PDZD2: variants seen among roughly 807,000 people sequenced by gnomAD.
The protein encoded by PDZD2 is PDZ domain containing 2.
In PDZD2, 90 loss-of-function variants were observed where a neutral mutation model predicts 220.7. That is an observed-to-expected ratio of 0.41 (90% CI 0.34 to 0.49). PDZD2 has a LOEUF of 0.49. Ranked by LOEUF, PDZD2 falls within the 20% of genes least tolerant of loss-of-function variation. PDZD2 has a pLI of 0.28. For synonymous variants in PDZD2, 1,375 were observed against 1,450.5 expected (o/e 0.95, Z 1.18); for missense variants, 3,174 against 3,608.5 (o/e 0.88, Z 3.08).
chr5:31,722,598 C>T (rs910358419), intron 1 of PDZD2, among the ~76,000 whole-genome samples: 3 of 152,092 alleles, frequency 2.0e-5, no homozygotes, highest in African/African-American at 7.2e-5. Flanking sequence ...TTTTTAGAAG[C>T]TTCTGCAAGA....
At chr5:31,895,474 C>A (rs2150352496) in intron 2 of PDZD2, among the ~76,000 whole-genome samples, 1 of 152,304 alleles carries the variant, frequency 6.6e-6, no homozygotes, top group South Asian at 2.1e-4. Context: ...GCCTTCCTGG[C>A]CCCAGAACTG....
chr5:31,815,372 A>G (rs1755381750), intron 2 of PDZD2, among the ~76,000 whole-genome samples: 2 of 152,090 alleles, frequency 1.3e-5, no homozygotes, highest in South Asian at 2.1e-4. Flanking sequence ...GGGATCCTGT[A>G]TAGAATGTAG....
intron 1 of PDZD2, among the ~76,000 whole-genome samples, chr5:31,662,840 C>T (rs1280461562): frequency 1.3e-5 from 2 of 152,146 alleles, no homozygotes; most frequent in South Asian, 2.1e-4. Flanking sequence ...CCGTGTTAGC[C>T]AGGATGGTCT....
chr5:31,771,612 G>A (rs192626322), intron 1 of PDZD2, among the ~76,000 whole-genome samples: 1 of 152,324 alleles, frequency 6.6e-6, no homozygotes, highest in African/African-American at 2.4e-5. Flanking sequence ...TGTAGGTACT[G>A]AAGCCCAGAC....
chr5:31,828,811 A>AT (rs1756383241), intron 2 of PDZD2, among the ~76,000 whole-genome samples: 1 of 152,222 alleles, frequency 6.6e-6, no homozygotes, highest in Admixed American at 6.5e-5. Flanking sequence ...AGAAATATCT[A>AT]TTTTAATTCT....
At chr5:31,782,955 C>G (rs941696947) in intron 1 of PDZD2, among the ~76,000 whole-genome samples, 2 of 152,036 alleles carry the variant, frequency 1.3e-5, no homozygotes, top group Non-Finnish European at 2.9e-5. Context: ...CTCAAGTGAT[C>G]AGCCTGCCTC....
At chr5:32,037,184 TCG>T (rs532494678) in intron 6 of PDZD2, 45 bp from the exon 7 acceptor site, 203 of 1,199,802 alleles carry the variant, frequency 1.7e-4, no homozygotes, top group Non-Finnish European at 2.3e-4. Context: ...GCATAAGTCA[TCG>T]CAGGGCTGGG....
chr5:31,851,810 G>A (rs1168014949), intron 2 of PDZD2, among the ~76,000 whole-genome samples: 2 of 152,112 alleles, frequency 1.3e-5, no homozygotes, highest in Non-Finnish European at 2.9e-5. Context: ...AATGGCATAT[G>A]GATGCAAAAG....
At position 32,089,062 on chromosome 5, in the gene PDZD2, C is replaced by T. The variant is rs781737858; in HGVS notation, c.5614C>T (p.Leu1872Phe). Reference sequence around the variant, plus strand: ...GTCTAAGAAGAGTCCGGCAGAAATGCTTCTGACTAATGGTCAGAAGGCAAA... The same window carrying T: ...GTCTAAGAAGAGTCCGGCAGAAATGTTTCTGACTAATGGTCAGAAGGCAAA... ...DLSKKSPAEM[L>F]LTNGQKAKCG... The change falls in exon 20 of 25, where the codon CTT (leucine) becomes TTT (phenylalanine). Residue 1872 changes from leucine to phenylalanine, a missense_variant. Leu to Phe is a conservative substitution (Grantham distance 22). Around this residue, in one of 4 missense-constraint regions of PDZD2, gnomAD observed 1,861 missense variants for 2,001.0 expected, o/e 0.93. Coordinates refer to ENST00000438447, the MANE Select transcript of PDZD2 (RefSeq NM_178140.4). The T allele has an allele frequency of 1.2e-6, 2 of 1,613,910 alleles. No individual in the cohort carries two copies. The highest frequency in any genetic ancestry group is 1.7e-5 in the Admixed American group (1 of 60,022).
chr5:31,860,431 C>G (rs1737583158), intron 2 of PDZD2, among the ~76,000 whole-genome samples: 1 of 152,188 alleles, frequency 6.6e-6, no homozygotes, highest in African/African-American at 2.4e-5. Flanking sequence ...TACATTCCAG[C>G]TTCCAAAATT....
intron 1 of PDZD2, among the ~76,000 whole-genome samples, chr5:31,679,541 G>C (rs1746572404): frequency 6.6e-6 from 1 of 152,180 alleles, no homozygotes; most frequent in Non-Finnish European, 1.5e-5. Flanking sequence ...ACAGGGTCTT[G>C]CTGTTGCCCA....
At chr5:31,840,714 T>C (rs891124604) in intron 2 of PDZD2, 4 of 772,784 alleles carry the variant, frequency 5.2e-6, no homozygotes, top group African/African-American at 5.1e-5. Context: ...ATTAATTCTC[T>C]TGGCAAGAAT....
At chr5:31,967,830 T>C (rs987247001) in intron 2 of PDZD2, among the ~76,000 whole-genome samples, 1 of 152,114 alleles carries the variant, frequency 6.6e-6, no homozygotes, top group Non-Finnish European at 1.5e-5. Context: ...AAATACATGT[T>C]TTTGGCTGGT....
chr5:31,697,435 C>T (rs1580581275), intron 1 of PDZD2, among the ~76,000 whole-genome samples: 1 of 152,128 alleles, frequency 6.6e-6, no homozygotes, highest in Admixed American at 6.5e-5. Context: ...TGCACTCCAG[C>T]CTGGGTAACA....
chr5:31,983,431 G>C lies in PDZD2; in HGVS notation c.753G>C (p.Glu251Asp), dbSNP rs1161995559. The C allele has an allele frequency of 1.9e-6, 3 of 1,614,122 alleles. No individual in the cohort carries two copies. Among genetic ancestry groups the C allele is most frequent in the East Asian group, 4.5e-5 (2 of 44,902 alleles). Residue 251 changes from glutamate to aspartate, a missense_variant, in exon 3 of 25, where the codon GAG becomes GAC. By Grantham distance (45) the Glu-to-Asp change is conservative. Coordinates refer to ENST00000438447, the MANE Select transcript of PDZD2 (RefSeq NM_178140.4). ...EVSSDPSTEL[E>D]NGPDPELGNG... ...CCAGTGACCCCAGCACTGAGCTGGA[G>C]AACGGCCCTGACCCTGAACTTGGAA... is the stretch of plus-strand genomic sequence containing the variant.
intron 3 of PDZD2, among the ~76,000 whole-genome samples, chr5:31,985,940 TG>T (rs972678241): frequency 3.3e-5 from 5 of 151,828 alleles, no homozygotes; most frequent in African/African-American, 1.2e-4. Flanking sequence ...CCGGGCATGG[TG>T]GTGCATGCCT....
intron 2 of PDZD2, among the ~76,000 whole-genome samples, chr5:31,816,979 C>T (rs1405810554): frequency 6.6e-6 from 1 of 151,406 alleles, no homozygotes; most frequent in Non-Finnish European, 1.5e-5. Flanking sequence ...GTTAGGAGAT[C>T]GAGACCATCC....
chr5:32,088,775 A>G lies in PDZD2; in HGVS notation c.5327A>G (p.His1776Arg), dbSNP rs1486757781. The stretch of plus-strand genomic sequence containing the variant: ...GGAGAATCTGTTTTGGAAAACCTCC[A>G]CATCTCTGAAAGTCAAGACCTGGAT... ...KNGESVLENL[H>R]ISESQDLDDL... The change falls in exon 20 of 25, where the codon CAC (histidine) becomes CGC (arginine). Residue 1776 changes from histidine to arginine, a missense_variant. By Grantham distance (29) the His-to-Arg change is conservative (BLOSUM62 0). Around this residue, in one of 4 missense-constraint regions of PDZD2, gnomAD observed 1,861 missense variants for 2,001.0 expected, o/e 0.93. Transcript: ENST00000438447. The surrounding 1 kb of genome is among the most constrained non-coding windows in gnomAD (Gnocchi z 4.6). 3 of 1,613,926 alleles carry G rather than the reference A, an allele frequency of 1.9e-6. No homozygotes were observed. The highest frequency in any genetic ancestry group is 2.5e-6 in the Non-Finnish European group (3 of 1,179,930).
Position 32,090,869 on chromosome 5 carries a change from C to T in PDZD2, c.7421C>T (p.Pro2474Leu). The T allele has an allele frequency of 6.2e-7, 1 of 1,614,066 alleles. No individual in the cohort carries two copies. The highest frequency in any genetic ancestry group is 8.5e-7 in the Non-Finnish European group (1 of 1,180,030). ...RNKSSVRHTQ[P>L]SPVSRSKLQE... ...AAGTCCTCGGTACGCCACACGCAGC[C>T]CTCGCCCGTGTCCCGCTCCAAGCTC... The change falls in exon 20 of 25, where the codon CCC becomes CTC. Residue 2474 changes from proline to leucine, a missense_variant. Coordinates refer to ENST00000438447, the MANE Select transcript of PDZD2 (RefSeq NM_178140.4). This position sits in a 1 kb window ranked among gnomAD's most constrained non-coding sequence, Gnocchi z 4.3.
Sources: gnomAD v4.1 joint callset for allele counts (sites outside exome capture counted in the v4.1 genomes callset) on GRCh38, gnomAD v4.1.1 for gene constraint, gnomAD v4.1.1 regional missense constraint, Gnocchi (gnomAD v3.1) non-coding constraint, MANE v1.5 for transcripts, NCBI Gene and HGNC (gene_info 2026-07-23, HGNC 2026-07-21) for gene names.